The following NPAT variants were observed in gnomAD, a reference collection of about 807,000 sequenced individuals.
NPAT encodes the protein protein NPAT.
NPAT carries 52 observed loss-of-function variants against 130.7 expected under a neutral mutation model. That is an observed-to-expected ratio of 0.40 (90% CI 0.32 to 0.50). NPAT has a LOEUF of 0.50. NPAT is among the 20% of genes least tolerant of loss of function. The probability of loss-of-function intolerance (pLI) is 0.68; values close to 1 mark genes in which losing one functional copy is unlikely to be tolerated. For synonymous variants in NPAT, 580 were observed against 584.8 expected, an observed-to-expected ratio of 0.99 and a Z score of 0.12; for missense variants, 1,687 against 1,662.6, an observed-to-expected ratio of 1.01 and a Z score of -0.26.
At chr11:108,211,938 A>G (rs2078387479) in intron 1 of NPAT, among the ~76,000 whole-genome samples, 1 of 152,170 alleles carries the variant, frequency 6.6e-6, no homozygotes, top group Non-Finnish European at 1.5e-5. Context: ...TGACAGAGTA[A>G]GAACCTGTTT....
intron 1 of NPAT, among the ~76,000 whole-genome samples, chr11:108,219,943 CAGGCATGACCTG>C (rs2078468274): frequency 6.6e-6 from 1 of 152,218 alleles, no homozygotes; most frequent in Non-Finnish European, 1.5e-5. Context: ...TTTCAGAGAT[CAGGCATGACCTG>C]AACCTTGAAT....
intron 15 of NPAT, among the ~76,000 whole-genome samples, chr11:108,165,543 C>T (rs1038652624): frequency 6.7e-6 from 1 of 150,050 alleles, no homozygotes; most frequent in Middle Eastern, 3.5e-3. Context: ...CAGCCCACTG[C>T]ACTCTCAACC....
chr11:108,178,034 T>A (rs2078025470), intron 10 of NPAT, among the ~76,000 whole-genome samples: 1 of 152,180 alleles, frequency 6.6e-6, no homozygotes, highest in South Asian at 2.1e-4. Flanking sequence ...ACTATAAAGT[T>A]CTATAATCTA....
At chr11:108,187,625 C>T (rs1227333029) in intron 7 of NPAT, among the ~76,000 whole-genome samples, 1 of 149,070 alleles carries the variant, frequency 6.7e-6, no homozygotes, top group Non-Finnish European at 1.5e-5. Flanking sequence ...CATTTTAAAA[C>T]TATTATCTCT....
Position 108,176,980 on chromosome 11 carries a change from AAT to A in NPAT, c.1003+12_1003+13del, listed in dbSNP as rs758969825. 4.7e-5 allele frequency: 73 copies of A among 1,550,130 alleles called. 1 individual carries two copies. The South Asian group carries it at 7.9e-4, about 17-fold the overall frequency. On this transcript the variant is annotated intron_variant, in intron 11 of 17. Coordinates refer to ENST00000278612, the MANE Select transcript of NPAT (RefSeq NM_002519.3). ...AGCCTTTTTTTTCTGTCTTGAAATA[AAT>A]AGTCTCCTTACCATAGTCAAAGAGA...
At position 108,176,291 on chromosome 11, in the gene NPAT, C is replaced by G; in HGVS notation, c.1087G>C (p.Glu363Gln). The G allele has an allele frequency of 3.2e-6, 5 of 1,586,778 alleles. No homozygotes were observed. Among genetic ancestry groups the G allele is most frequent in the Non-Finnish European group, 4.3e-6 (5 of 1,155,420 alleles). Residue 363 changes from glutamate to glutamine, a missense_variant, in exon 12 of 18, where the codon GAA becomes CAA. By Grantham distance (29) the Glu-to-Gln change is conservative (BLOSUM62 2). Transcript: ENST00000278612. ...GAACCTTTAACTGCTAGATTAGTTT[C>G]ATCTGCTAAGACTATACTGGGATTG... ...ESNPSIVLAD[E>Q]TNLAVKGSFE... is the part of the protein sequence containing the mutation.
intron 17 of NPAT, among the ~76,000 whole-genome samples, 150 bp downstream of exon 17, chr11:108,160,708 CATCTACTGCTTATTGGTCCTGT>C (rs1203057730): frequency 6.6e-6 from 1 of 152,202 alleles, no homozygotes; most frequent in Non-Finnish European, 1.5e-5. Flanking sequence ...TTGAATCCTG[CATCTACTGCTTATTGGTCCTGT>C]GATCATGGTT....
At chr11:108,212,204 C>T (rs2078390660) in intron 1 of NPAT, among the ~76,000 whole-genome samples, 1 of 151,926 alleles carries the variant, frequency 6.6e-6, no homozygotes, top group African/African-American at 2.4e-5. Flanking sequence ...ATCCTCTAGC[C>T]AGGGCAATTA....
At chr11:108,192,024 G>A in intron 4 of NPAT, 94 bp downstream of exon 4, 1 of 867,788 alleles carries the variant, frequency 1.2e-6, no homozygotes, top group Non-Finnish European at 2.0e-6. Flanking sequence ...CTGGATGAGT[G>A]TTATATAAGT....
Position 108,203,603 on chromosome 11 carries a change from T to C in NPAT, c.38-6183A>G, listed in dbSNP as rs181038077. Among the ~76,000 whole-genome samples, 336 of 152,316 alleles carry C rather than the reference T, an allele frequency of 2.2e-3. 3 individuals carry two copies. Among genetic ancestry groups the C allele is most frequent in the African/African-American group, 7.6e-3 (317 of 41,578 alleles). On this transcript the variant is annotated intron_variant, in intron 1 of 17. Transcript: ENST00000278612. ...AAGGTTAAGTGTCATTAACCTACCA[T>C]GAACATCCTCTTTATAGTCTCTCCT...
chr11:108,165,481 T>TTTG (rs1555039340), intron 15 of NPAT, among the ~76,000 whole-genome samples: 1 of 147,516 alleles, frequency 6.8e-6, no homozygotes, highest in African/African-American at 2.5e-5. Flanking sequence ...TATTTTTTTT[T>TTTG]TGTGATAGGG....
In NPAT at chr11:108,172,829, T is replaced by G; in HGVS notation, c.2155A>C (p.Asn719His). The G allele has an allele frequency of 1.1e-5, 17 of 1,613,906 alleles. No individual in the cohort carries two copies. Among genetic ancestry groups the G allele is most frequent in the Non-Finnish European group, 1.4e-5 (17 of 1,180,026 alleles). Residue 719 changes from asparagine (N) to histidine (H), a missense_variant, in exon 13 of 18, where the codon AAT becomes CAT. Coordinates refer to ENST00000278612, the MANE Select transcript of NPAT (RefSeq NM_002519.3). ...TTGCTAGAAGGTTTATCATCAGTAT[T>G]TTGGGACTCAGGGTGAGAATCTCCC... is the stretch of plus-strand genomic sequence containing the variant. ...SVGDSHPESQ[N>H]TDDKPSSNNS... is the part of the protein sequence containing the mutation.
At chr11:108,205,103 G>A (rs1023971636) in intron 1 of NPAT, among the ~76,000 whole-genome samples, 3 of 152,150 alleles carry the variant, frequency 2.0e-5, no homozygotes, top group African/African-American at 7.2e-5. Context: ...TGAAAGCAGT[G>A]AGAAACAACT....
chr11:108,177,938 C>A (rs1490570839), intron 10 of NPAT, among the ~76,000 whole-genome samples: 1 of 152,100 alleles, frequency 6.6e-6, no homozygotes, highest in Non-Finnish European at 1.5e-5. Context: ...CCAGGCTGGT[C>A]TTGAACTCCT....
chr11:108,175,903 T>C (rs2078000796), intron 12 of NPAT, among the ~76,000 whole-genome samples: 1 of 152,218 alleles, frequency 6.6e-6, no homozygotes, highest in Non-Finnish European at 1.5e-5. Flanking sequence ...ACACCTGTAA[T>C]GCTACCTCTG....
intron 1 of NPAT, among the ~76,000 whole-genome samples, chr11:108,200,681 C>A (rs1325080049): frequency 6.6e-6 from 1 of 152,104 alleles, no homozygotes; most frequent in African/African-American, 2.4e-5. Flanking sequence ...GCAGGGCTTC[C>A]TTAAACCCTG....
chr11:108,221,248 C>T (rs1296824162), intron 1 of NPAT, among the ~76,000 whole-genome samples: 1 of 152,056 alleles, frequency 6.6e-6, no homozygotes, highest in Non-Finnish European at 1.5e-5. Flanking sequence ...AGGAATGCTG[C>T]TAAACATCCT....
At chr11:108,162,062 T>C in intron 16 of NPAT, 48 bp from the exon 17 acceptor site, 2 of 1,611,926 alleles carry the variant, frequency 1.2e-6, no homozygotes, top group Non-Finnish European at 1.7e-6. Context: ...AAAGAAATCC[T>C]TTATGTTTTA....
At chr11:108,201,632 C>T (rs2078276104) in intron 1 of NPAT, among the ~76,000 whole-genome samples, 1 of 152,208 alleles carries the variant, frequency 6.6e-6, no homozygotes, top group African/African-American at 2.4e-5. Context: ...CAGCAGTAAC[C>T]TTGTCAGTAC....
Sources: allele counts gnomAD v4.1 joint callset (sites outside exome capture counted in the v4.1 genomes callset), GRCh38; gene constraint gnomAD v4.1.1; transcripts MANE v1.5; gene names NCBI Gene and HGNC (gene_info 2026-07-23, HGNC 2026-07-21).